The following DMXL2 variants were observed in gnomAD, a reference collection of about 807,000 sequenced individuals.
DMXL2 encodes dmX-like protein 2.
Under a neutral mutation model 331.1 loss-of-function variants are expected in DMXL2, and 103 were observed. The observed-to-expected ratio is 0.31, with a 90% CI of 0.27 to 0.37. DMXL2 has a LOEUF of 0.37. Ranked by LOEUF, DMXL2 falls within the 10% of genes least tolerant of loss-of-function variation. DMXL2 has a pLI of 1.00. For missense variants in DMXL2, 3,171 were observed against 3,642.9 expected, an observed-to-expected ratio of 0.87 and a Z score of 3.33; for synonymous variants, 1,281 against 1,252.1, an observed-to-expected ratio of 1.02 and a Z score of -0.49.
At chr15:51,569,603 C>T (rs2050527175) in intron 2 of DMXL2, among the ~76,000 whole-genome samples, 1 of 152,162 alleles carries the variant, frequency 6.6e-6, no homozygotes, top group Admixed American at 6.5e-5. Flanking sequence ...TGGCGGGTGC[C>T]CTTCTGGGAC....
intron 37 of DMXL2, 66 bp downstream of exon 37, chr15:51,457,262 A>C: frequency 6.5e-7 from 1 of 1,539,296 alleles, no homozygotes; most frequent in Non-Finnish European, 8.9e-7. Flanking sequence ...TTCCTATGTC[A>C]AAGAGATTCC....
At chr15:51,580,934 T>C (rs562944268) in intron 1 of DMXL2, among the ~76,000 whole-genome samples, 3 of 151,312 alleles carry the variant, frequency 2.0e-5, no homozygotes, top group South Asian at 2.1e-4. Flanking sequence ...TGAAGTCTAA[T>C]AGACATAAGT....
At chr15:51,496,886 C>T (rs186252960) in intron 18 of DMXL2, among the ~76,000 whole-genome samples, 91 of 152,300 alleles carry the variant, frequency 6.0e-4, no homozygotes, top group African/African-American at 2.1e-3. Context: ...CATTTAATCT[C>T]TGAGCTTCAG....
chr15:51,514,475 T>G lies in DMXL2; in HGVS notation c.2611A>C (p.Lys871Gln). The part of the protein sequence containing the change: ...YKPHKEDMEK[K>Q]ETEIFFQPSQ... ...GGCTGAAAAAATATTTCTGTTTCCT[T>G]TTTCTCCATATCTTCCTTATGTGGT... Residue 871 changes from lysine (K) to glutamine (Q), a missense_variant, in exon 15 of 44, where the codon AAG becomes CAG. Physicochemically the swap from Lys to Gln is moderately conservative, Grantham distance 53. Coordinates refer to ENST00000560891, the MANE Select transcript of DMXL2 (RefSeq NM_001378457.1). The G allele has an allele frequency of 6.3e-7, 1 of 1,583,912 alleles. No homozygotes were observed. Among genetic ancestry groups the G allele is most frequent in the Non-Finnish European group, 8.6e-7 (1 of 1,162,954 alleles).
At chr15:51,619,243 ATC>A (rs1403954191) in intron 1 of DMXL2, among the ~76,000 whole-genome samples, 1 of 152,248 alleles carries the variant, frequency 6.6e-6, no homozygotes, top group African/African-American at 2.4e-5. Flanking sequence ...GGAGAAGATC[ATC>A]TCTTTGAACT....
chr15:51,622,115 A>T (rs1422941119), intron 1 of DMXL2, among the ~76,000 whole-genome samples: 3 of 151,992 alleles, frequency 2.0e-5, no homozygotes, highest in African/African-American at 7.3e-5. Flanking sequence ...TGCGAAACGG[A>T]CGCTCTGGGG....
At chr15:51,517,907 A>G (rs1183194944) in intron 13 of DMXL2, among the ~76,000 whole-genome samples, 1 of 152,226 alleles carries the variant, frequency 6.6e-6, no homozygotes, top group Non-Finnish European at 1.5e-5. Flanking sequence ...TCCAGAGAGC[A>G]TGTAAGAAAA....
chr15:51,608,137 A>G (rs1024988849), intron 1 of DMXL2, among the ~76,000 whole-genome samples: 1 of 152,082 alleles, frequency 6.6e-6, no homozygotes, highest in Non-Finnish European at 1.5e-5. Context: ...GTGAGCCAAG[A>G]TCACACCACT....
intron 9 of DMXL2, among the ~76,000 whole-genome samples, chr15:51,541,047 C>T (rs2048566933): frequency 6.6e-6 from 1 of 152,120 alleles, no homozygotes; most frequent in Admixed American, 6.5e-5. Flanking sequence ...ATTTTTATCA[C>T]AGTAATTCAA....
At chr15:51,532,537 T>G (rs761084820) in intron 13 of DMXL2, among the ~76,000 whole-genome samples, 17 of 152,188 alleles carry the variant, frequency 1.1e-4, no homozygotes, top group Non-Finnish European at 2.4e-4. Context: ...TGTAATTAGA[T>G]CATTTGTAAC....
chr15:51,455,965 C>A, intron 39 of DMXL2, 101 bp downstream of exon 39: 3 of 1,375,204 alleles, frequency 2.2e-6, no homozygotes, highest in Non-Finnish European at 3.0e-6. Context: ...CAGTTTAAAT[C>A]CAGGGTCACT....
intron 1 of DMXL2, among the ~76,000 whole-genome samples, chr15:51,610,445 A>C (rs1334614323): frequency 6.6e-6 from 1 of 152,196 alleles, no homozygotes; most frequent in African/African-American, 2.4e-5. Context: ...CAACAATTGA[A>C]GAGGACACAT....
chr15:51,456,899 T>C (rs542080044), intron 37 of DMXL2, among the ~76,000 whole-genome samples: 42 of 152,178 alleles, frequency 2.8e-4, no homozygotes, highest in Admixed American at 6.5e-4. Flanking sequence ...GAGGCCAGTG[T>C]GGTGGCTCAT....
At chr15:51,503,154 G>T in intron 16 of DMXL2, 121 bp from the exon 17 acceptor site, 1 of 732,370 alleles carries the variant, frequency 1.4e-6, no homozygotes, top group Non-Finnish European at 2.2e-6. Context: ...TGGAGGTGAG[G>T]ATATAGAGAA....
At chr15:51,457,120 C>A (rs1339027490) in intron 37 of DMXL2, among the ~76,000 whole-genome samples, 1 of 152,106 alleles carries the variant, frequency 6.6e-6, no homozygotes, top group Non-Finnish European at 1.5e-5. Flanking sequence ...TGCAGTGAGC[C>A]GAAATTGCAC....
intron 11 of DMXL2, 44 bp from the exon 12 acceptor site, chr15:51,536,906 C>T: frequency 1.4e-6 from 2 of 1,465,206 alleles, no homozygotes; most frequent in South Asian, 1.3e-5. Context: ...AGTTTACCTC[C>T]TCTCAAAAAA....
At chr15:51,500,989 G>A (rs2043552279) in intron 17 of DMXL2, among the ~76,000 whole-genome samples, 1 of 152,180 alleles carries the variant, frequency 6.6e-6, no homozygotes, top group Admixed American at 6.5e-5. Context: ...ATTGGGATCA[G>A]TTACTGTTTC....
intron 14 of DMXL2, among the ~76,000 whole-genome samples, chr15:51,515,142 C>T (rs1266889107): frequency 6.6e-6 from 1 of 152,008 alleles, no homozygotes; most frequent in Non-Finnish European, 1.5e-5. Context: ...TAACTAGAAC[C>T]CCTCGAAGGA....
At chr15:51,605,888 A>C (rs2053557592) in intron 1 of DMXL2, among the ~76,000 whole-genome samples, 3 of 152,170 alleles carry the variant, frequency 2.0e-5, no homozygotes. Context: ...ACACTCAAAG[A>C]GCTAAAAAAA....
Sources: gnomAD v4.1 joint callset for allele counts (sites outside exome capture counted in the v4.1 genomes callset) on GRCh38, gnomAD v4.1.1 for gene constraint, MANE v1.5 for transcripts, NCBI Gene and HGNC (gene_info 2026-07-23, HGNC 2026-07-21) for gene names.